Variants in DNAI7 observed in about 807,000 individuals in gnomAD.
DNAI7 encodes dynein axonemal intermediate chain 7.
In DNAI7, 78 loss-of-function variants were observed where a neutral mutation model predicts 86.6. That is an observed-to-expected ratio of 0.90 (90% CI 0.75 to 1.09). The LOEUF is 1.09. Among genes scored for constraint, DNAI7 ranks in the 50% least tolerant of loss-of-function variants. The probability of loss-of-function intolerance (pLI) is 0.00; values close to 1 mark genes in which losing one functional copy is unlikely to be tolerated. For missense variants in DNAI7, 753 were observed against 810.2 expected, an observed-to-expected ratio of 0.93 and a Z score of 0.86; for synonymous variants, 274 against 273.0, an observed-to-expected ratio of 1.00 and a Z score of -0.04.
At chr12:25,123,490 G>C (rs1941639938) in intron 9 of DNAI7, among the ~76,000 whole-genome samples, 1 of 152,278 alleles carries the variant, frequency 6.6e-6, no homozygotes, top group Admixed American at 6.5e-5. Context: ...CTTCACAAGG[G>C]CAAGAGGTTA....
intron 9 of DNAI7, among the ~76,000 whole-genome samples, chr12:25,132,143 G>A (rs556849838): frequency 6.6e-5 from 10 of 152,046 alleles, no homozygotes; most frequent in Non-Finnish European, 1.5e-4. Context: ...AGCCAAAATG[G>A]GAAATACATC....
intron 1 of DNAI7, among the ~76,000 whole-genome samples, chr12:25,193,059 T>C (rs1565863073): frequency 1.3e-5 from 2 of 151,836 alleles, no homozygotes; most frequent in South Asian, 2.1e-4. Flanking sequence ...GTTGGGAAGA[T>C]TGCTTGAACC....
intron 6 of DNAI7, among the ~76,000 whole-genome samples, chr12:25,152,724 G>A (rs534725916): frequency 6.6e-6 from 1 of 152,274 alleles, no homozygotes; most frequent in Admixed American, 6.5e-5. Flanking sequence ...GAAGGAAAGG[G>A]CAGTTTTGTG....
At position 25,182,605 on chromosome 12, in the gene DNAI7, T is replaced by TAC. The variant is rs71065917; in HGVS notation, c.21+8007_21+8008dup. Reference sequence around the variant, plus strand: ...GCCAGAGTGATAGAGTGAGACTGTCTACACACACACACACACACACACACA... The same window carrying TAC: ...GCCAGAGTGATAGAGTGAGACTGTCTACACACACACACACACACACACACACA... On this transcript the variant is annotated intron_variant, in intron 2 of 15. Coordinates refer to ENST00000395987, the MANE Select transcript of DNAI7 (RefSeq NM_018272.5). Among the ~76,000 whole-genome samples, 612 of 132,186 alleles carry TAC rather than the reference T, an allele frequency of 4.6e-3. 1 individual carries two copies. Among genetic ancestry groups the TAC allele is most frequent in the East Asian group, 0.024 (108 of 4,490 alleles). 86.7% of individuals were successfully genotyped at this position (132,186 alleles called of 152,430 possible).
At chr12:25,154,189 A>G in intron 6 of DNAI7, 130 bp downstream of exon 6, 1 of 682,506 alleles carries the variant, frequency 1.5e-6, no homozygotes. Flanking sequence ...AAGATTACCA[A>G]TTACTTCTTT....
chr12:25,155,884 C>T (rs887084183), intron 4 of DNAI7, among the ~76,000 whole-genome samples: 1 of 151,960 alleles, frequency 6.6e-6, no homozygotes, highest in African/African-American at 2.4e-5. Context: ...CTGAGGCAGG[C>T]GGATCACTTG....
At chr12:25,137,590 A>G (rs921121307) in intron 9 of DNAI7, among the ~76,000 whole-genome samples, 2 of 152,312 alleles carry the variant, frequency 1.3e-5, no homozygotes, top group South Asian at 4.1e-4. Flanking sequence ...CACTTAAAAG[A>G]TACAGAACCA....
chr12:25,112,981 G>A (rs537775653), intron 13 of DNAI7, among the ~76,000 whole-genome samples: 8 of 152,216 alleles, frequency 5.3e-5, no homozygotes, highest in Admixed American at 2.0e-4. Context: ...TGTTTCAATC[G>A]TCATATTAAT....
At chr12:25,108,009 T>TA (rs749768684), downstream of DNAI7, 4 of 1,614,124 alleles carry the variant, frequency 2.5e-6, no homozygotes, top group Admixed American at 6.7e-5. Context: ...CTCTAGAACA[T>TA]ATCTTGTGGC....
intron 2 of DNAI7, among the ~76,000 whole-genome samples, chr12:25,169,044 G>A (rs544653856): frequency 5.8e-4 from 88 of 151,878 alleles, no homozygotes; most frequent in Non-Finnish European, 8.5e-4. Flanking sequence ...CAAAAATTTC[G>A]CTGTCCCAAA....
intron 1 of DNAI7, among the ~76,000 whole-genome samples, chr12:25,193,840 G>C (rs77675488): frequency 1.5e-5 from 2 of 136,746 alleles, no homozygotes; most frequent in East Asian, 2.1e-4. Context: ...TTTTTTTTTT[G>C]AGACGGAGTC....
chr12:25,158,975 A>G (rs541127637), intron 3 of DNAI7, among the ~76,000 whole-genome samples: 6 of 152,368 alleles, frequency 3.9e-5, no homozygotes, highest in African/African-American at 1.2e-4. Context: ...AAATAGGAAC[A>G]CTAATGTTGA....
intron 2 of DNAI7, among the ~76,000 whole-genome samples, chr12:25,178,193 C>T (rs1234875272): frequency 6.6e-6 from 1 of 152,096 alleles, no homozygotes; most frequent in Non-Finnish European, 1.5e-5. Flanking sequence ...TATTTCTTTA[C>T]CTCTGAATGA....
intron 13 of DNAI7, among the ~76,000 whole-genome samples, chr12:25,113,378 T>C (rs1939385418): frequency 6.6e-6 from 1 of 152,038 alleles, no homozygotes. Context: ...CTTGGCTCAC[T>C]GCAACCTCCG....
chr12:25,121,483 T>G (rs867548315), intron 11 of DNAI7, among the ~76,000 whole-genome samples: 1 of 152,204 alleles, frequency 6.6e-6, no homozygotes, highest in Admixed American at 6.5e-5. Flanking sequence ...ATATTATTAT[T>G]AAGACCAAAT....
chr12:25,179,864 T>G (rs1273183284), intron 2 of DNAI7, among the ~76,000 whole-genome samples: 1 of 152,048 alleles, frequency 6.6e-6, no homozygotes, highest in African/African-American at 2.4e-5. Context: ...CTGAAAGCAT[T>G]CCCCCTAAGA....
At chr12:25,145,989 G>C (rs529087782) in intron 8 of DNAI7, among the ~76,000 whole-genome samples, 2 of 150,990 alleles carry the variant, frequency 1.3e-5, no homozygotes, top group Non-Finnish European at 3.0e-5. Context: ...TTGGGAGGCC[G>C]AGATGTGCGG....
intron 9 of DNAI7, among the ~76,000 whole-genome samples, chr12:25,136,806 G>A (rs1489413152): frequency 6.6e-6 from 1 of 151,976 alleles, no homozygotes; most frequent in Non-Finnish European, 1.5e-5. Context: ...ACAAATAGAA[G>A]AAAGAACTTC....
In DNAI7 at chr12:25,150,601, CAAAAAAAAA is replaced by C. The variant is rs58511191; in HGVS notation, c.439-836_439-828del. ...CCTGGGAGACAGTGAGACTCTGTCT[CAAAAAAAAA>C]AAAAAAAAAAAAAAATTAATAATGG... On this transcript the variant is annotated intron_variant, in intron 6 of 15. Transcript: ENST00000395987. 1.1e-4 allele frequency among the ~76,000 whole-genome samples: 10 copies of C among 88,982 alleles called. No homozygotes were observed. In the South Asian group the frequency reaches 3.6e-3, roughly 32 times the overall value. 58.4% of individuals were successfully genotyped at this position (88,982 alleles called of 152,430 possible).
Sources: gnomAD v4.1 joint callset for allele counts (sites outside exome capture counted in the v4.1 genomes callset) on GRCh38, gnomAD v4.1.1 for gene constraint, MANE v1.5 for transcripts, NCBI Gene and HGNC (gene_info 2026-07-23, HGNC 2026-07-21) for gene names.